NOS1AP: variants seen among roughly 807,000 people sequenced by gnomAD.
NOS1AP encodes the protein nitric oxide synthase 1 adaptor protein.
Under a neutral mutation model 56.2 loss-of-function variants are expected in NOS1AP, and 21 were observed. The ratio of observed to expected loss-of-function variants is 0.37; its 90% CI spans 0.26 to 0.54. The LOEUF is 0.54. NOS1AP is among the 20% of genes least tolerant of loss of function. The pLI is 0.84. For missense variants in NOS1AP, 522 were observed against 657.8 expected (o/e 0.79, Z 2.26); for synonymous variants, 270 against 274.6 (o/e 0.98, Z 0.17).
At chr1:162,256,075 C>T (rs907146778) in intron 2 of NOS1AP, among the ~76,000 whole-genome samples, 4 of 151,866 alleles carry the variant, frequency 2.6e-5, no homozygotes, top group Non-Finnish European at 5.9e-5. Context: ...ATCCACAAGA[C>T]GGAGGTTGCA....
intron 2 of NOS1AP, among the ~76,000 whole-genome samples, chr1:162,200,944 G>T (rs1456902417): frequency 6.6e-6 from 1 of 152,162 alleles, no homozygotes. Flanking sequence ...TCCATGTGCA[G>T]GTTTGTTACG....
rs1571175741 is a variant in NOS1AP, at chr1:162,267,290, G to C, written c.178-20054G>C. ...TTTTGGCATCACTAAAATTGGTGTGGAGAATTATACTAGAGTTTTCCCAAA... is the reference window on the plus strand; with the variant it reads ...TTTTGGCATCACTAAAATTGGTGTGCAGAATTATACTAGAGTTTTCCCAAA... On this transcript the variant is annotated intron_variant, in intron 2 of 9. Transcript: ENST00000361897. Among the ~76,000 whole-genome samples the C allele has an allele frequency of 2.6e-5, 4 of 152,118 alleles. No individual in the cohort carries two copies. The South Asian group carries it at 8.3e-4, about 32-fold the overall frequency.
intron 2 of NOS1AP, among the ~76,000 whole-genome samples, chr1:162,268,313 TCCC>T (rs56294486): frequency 6.9e-6 from 1 of 145,194 alleles, no homozygotes; most frequent in African/African-American, 2.5e-5. Context: ...GCCCTGTAGC[TCCC>T]CCCCCCTATT....
intron 2 of NOS1AP, among the ~76,000 whole-genome samples, chr1:162,204,123 C>T (rs529386695): frequency 2.1e-4 from 32 of 152,310 alleles, no homozygotes; most frequent in Admixed American, 1.2e-3. Flanking sequence ...ATAGTTCATC[C>T]ATGCTCTGGG....
At chr1:162,220,151 C>T (rs908564665) in intron 2 of NOS1AP, among the ~76,000 whole-genome samples, 6 of 152,146 alleles carry the variant, frequency 3.9e-5, no homozygotes, top group African/African-American at 9.7e-5. Context: ...AGGCTGGCCT[C>T]GAGCTCCTGG....
intron 4 of NOS1AP, among the ~76,000 whole-genome samples, chr1:162,316,583 T>C (rs1370283204): frequency 3.9e-5 from 6 of 152,338 alleles, no homozygotes; most frequent in Admixed American, 1.3e-4. Flanking sequence ...GTGAGCAACA[T>C]GGCTGTTTAT....
chr1:162,170,810 G>A (rs1035861457), intron 2 of NOS1AP, among the ~76,000 whole-genome samples: 1 of 152,100 alleles, frequency 6.6e-6, no homozygotes, highest in African/African-American at 2.4e-5. Flanking sequence ...ATATGGTGGT[G>A]TGCACCTGTA....
At chr1:162,134,411 G>A (rs1363031898) in intron 1 of NOS1AP, among the ~76,000 whole-genome samples, 11 of 151,392 alleles carry the variant, frequency 7.3e-5, no homozygotes, top group East Asian at 2.0e-4. Flanking sequence ...CGCTTGAACC[G>A]GGAGGTGGAG....
At chr1:162,114,599 T>C (rs1647858828) in intron 1 of NOS1AP, among the ~76,000 whole-genome samples, 1 of 152,136 alleles carries the variant, frequency 6.6e-6, no homozygotes, top group African/African-American at 2.4e-5. Context: ...TATCATCACA[T>C]CTGATAATCT....
At chr1:162,215,365 C>G (rs546859991) in intron 2 of NOS1AP, among the ~76,000 whole-genome samples, 2 of 152,232 alleles carry the variant, frequency 1.3e-5, no homozygotes, top group Non-Finnish European at 2.9e-5. Flanking sequence ...ACTGGTGATG[C>G]ACTGGACCTT....
intron 2 of NOS1AP, among the ~76,000 whole-genome samples, chr1:162,216,741 A>G (rs1280208277): frequency 2.0e-5 from 3 of 152,244 alleles, no homozygotes; most frequent in Non-Finnish European, 4.4e-5. Flanking sequence ...AGAATGTTAT[A>G]AGAACACTGA....
chr1:162,248,964 G>A (rs1381416098), intron 2 of NOS1AP, among the ~76,000 whole-genome samples: 2 of 152,030 alleles, frequency 1.3e-5, no homozygotes, highest in African/African-American at 2.4e-5. Context: ...ATAGATGATA[G>A]CAACAGTTTC....
intron 2 of NOS1AP, among the ~76,000 whole-genome samples, chr1:162,285,633 T>G (rs1410796550): frequency 2.0e-5 from 3 of 152,184 alleles, no homozygotes; most frequent in Admixed American, 2.0e-4. Flanking sequence ...GATGCGCCTC[T>G]TCTTCTCTGT....
chr1:162,214,920 T>C (rs113561146), intron 2 of NOS1AP, among the ~76,000 whole-genome samples: 59 of 152,324 alleles, frequency 3.9e-4, no homozygotes, highest in African/African-American at 1.3e-3. Context: ...TATTAATGAA[T>C]TCTTAAACAT....
At chr1:162,330,756 A>C (rs1386575614) in intron 4 of NOS1AP, among the ~76,000 whole-genome samples, 1 of 152,256 alleles carries the variant, frequency 6.6e-6, no homozygotes, top group African/African-American at 2.4e-5. Context: ...GAAGCAGAGC[A>C]GCACACTGTT....
chr1:162,201,151 A>C (rs1651978246), intron 2 of NOS1AP, among the ~76,000 whole-genome samples: 2 of 152,148 alleles, frequency 1.3e-5, no homozygotes, highest in Admixed American at 1.3e-4. Flanking sequence ...AAGTGAGAAC[A>C]TGTGATATTT....
chr1:162,078,914 C>A (rs1015623552), intron 1 of NOS1AP, among the ~76,000 whole-genome samples: 1 of 152,176 alleles, frequency 6.6e-6, no homozygotes, highest in Non-Finnish European at 1.5e-5. Context: ...AATTTTCATC[C>A]CTACATTGTC....
chr1:162,225,470 CA>C (rs1261012624), intron 2 of NOS1AP, among the ~76,000 whole-genome samples: 1 of 152,204 alleles, frequency 6.6e-6, no homozygotes, highest in Non-Finnish European at 1.5e-5. Flanking sequence ...ATCCACAGTG[CA>C]CAGTGCCTCT....
intron 3 of NOS1AP, among the ~76,000 whole-genome samples, chr1:162,296,927 C>T (rs1460701088): frequency 6.6e-6 from 1 of 152,206 alleles, no homozygotes; most frequent in African/African-American, 2.4e-5. Flanking sequence ...TCAGCCTAGA[C>T]TCCACTTAGG....
Sources: allele counts gnomAD v4.1 joint callset (sites outside exome capture counted in the v4.1 genomes callset), GRCh38; gene constraint gnomAD v4.1.1; transcripts MANE v1.5; gene names NCBI Gene and HGNC (gene_info 2026-07-23, HGNC 2026-07-21).